The following ENTPD4 variants were observed in gnomAD, a reference collection of about 807,000 sequenced individuals.
ENTPD4 encodes ectonucleoside triphosphate diphosphohydrolase 4.
A neutral mutation model predicts 79.1 loss-of-function variants in ENTPD4; 60 were observed. The observed-to-expected ratio is 0.76, with a 90% CI of 0.62 to 0.94. The LOEUF is 0.94. Among genes scored for constraint, ENTPD4 ranks in the 40% least tolerant of loss-of-function variants. The pLI is 0.00. For missense variants in ENTPD4, 772 were observed against 775.1 expected (o/e 1.00, Z 0.05); for synonymous variants, 276 against 292.0 (o/e 0.95, Z 0.56).
rs1284736453 is a variant in ENTPD4 at position 23,447,749 on chromosome 8, G to C, written c.343C>G (p.His115Asp). Residue 115 changes from histidine to aspartate, a missense_variant, in exon 4 of 13, where the codon CAT becomes GAT. Physicochemically the swap from His to Asp is moderately conservative, Grantham distance 81 (BLOSUM62 -1). Transcript: ENST00000358689. ...ATTTGCCTGATATCCAACAGATCAT[G>C]TGGATTGCCATTATGCCTTGGCCAG... ...YCWPRHNGNPHDLLDIRQMRD... is the reference protein window; with the variant it reads ...YCWPRHNGNPDDLLDIRQMRD... 1 of 1,614,016 alleles carries C rather than the reference G, an allele frequency of 6.2e-7. No individual in the cohort carries two copies. Among genetic ancestry groups the C allele is most frequent in the Non-Finnish European group, 8.5e-7 (1 of 1,179,980 alleles).
Position 23,430,189 on chromosome 8 carries a change from C to T in ENTPD4, c.*2737G>A, listed in dbSNP as rs544962980. 3.5e-5 allele frequency: 34 copies of T among 985,458 alleles called. No homozygotes were observed. Among genetic ancestry groups the T allele is most frequent in the African/African-American group, 2.1e-4 (12 of 57,366 alleles). The allele number at this position is 985,458 out of a possible 1,614,324, so 61.0% of individuals were successfully genotyped here. ...AAGCACCTGGCTGTCTTCACCTACG[C>T]GAGACCTTCTCTGGAATGTGATTTG... On this transcript the variant is annotated 3_prime_UTR_variant, in exon 13 of 13. Transcript: ENST00000358689.
chr8:23,442,173 AC>A, intron 6 of ENTPD4, 107 bp from the exon 7 acceptor site: 1 of 720,940 alleles, frequency 1.4e-6, no homozygotes, highest in African/African-American at 1.8e-5. Context: ...CTCCCTGATA[AC>A]CTGTAAAATC....
Position 23,430,727 on chromosome 8 carries a change from C to A in ENTPD4, c.*2199G>T. The stretch of plus-strand genomic sequence containing the variant: ...GCCCAGAGCTGGAAGGCGGGGTCCC[C>A]TAACTCCCTGGGTGCCCACCTGCCC... On this transcript the variant is annotated 3_prime_UTR_variant, in exon 13 of 13. Coordinates refer to ENST00000358689, the MANE Select transcript of ENTPD4 (RefSeq NM_004901.5). 4.1e-6 allele frequency: 4 copies of A among 985,524 alleles called. No homozygotes were observed. Among genetic ancestry groups the A allele is most frequent in the Non-Finnish European group, 4.8e-6 (4 of 830,012 alleles). The allele number at this position is 985,524 out of a possible 1,614,324, so 61.0% of individuals were successfully genotyped here. A position where few individuals can be genotyped will look rare whatever the true frequency, so the allele number is the denominator to read the frequency against.
rs761744804 is a variant in ENTPD4 at position 23,443,849 on chromosome 8, C to A, written c.667+1G>T. On this transcript the variant is annotated splice_donor_variant, in intron 6 of 12. Transcript: ENST00000358689. LOFTEE classifies it high-confidence loss of function. ...TTTAAACTGAAGACCAATATACCAA[C>A]CTTCTTGTTTCCCAGAAATTACTTC... is the stretch of plus-strand genomic sequence containing the variant. 5.6e-6 allele frequency: 9 copies of A among 1,602,494 alleles called. No homozygotes were observed. In the South Asian group the frequency reaches 9.9e-5, roughly 18 times the overall value.
rs764462493 is a variant in ENTPD4 at position 23,448,828 on chromosome 8, C to T, written c.120G>A (p.Leu40=). 1.1e-5 allele frequency: 18 copies of T among 1,613,956 alleles called. No individual in the cohort carries two copies. Among genetic ancestry groups the T allele is most frequent in the Non-Finnish European group, 1.4e-5 (16 of 1,179,998 alleles). The change falls in exon 3 of 13, where the codon CTG becomes CTA. Residue 40 remains leucine, a synonymous_variant. Transcript: ENST00000358689. ...AATATAAAAGTGAAACAGCAGCAGC[C>T]AGGACACTAATGACCATAATTTGGC... The part of the protein sequence containing the change: ...NLRQIMVISV[L]AAAVSLLYFS...
intron 8 of ENTPD4, chr8:23,440,184 G>A (rs773567267): frequency 1.4e-5 from 5 of 348,258 alleles, no homozygotes; most frequent in Non-Finnish European, 2.6e-5. Context: ...TTTATTTCTG[G>A]AATCCTATGC....
rs71548899 is a variant in ENTPD4, at chr8:23,443,169, G to GAA, written c.667+679_667+680dup. Among the ~76,000 whole-genome samples the GAA allele has an allele frequency of 1.0e-3, 148 of 147,906 alleles. 2 individuals carry two copies. Among genetic ancestry groups the GAA allele is most frequent in the Middle Eastern group, 3.5e-3 (1 of 284 alleles). ...ACTTTCTCCATCATGGCCCTAGCTGGAAAAAAAAAAATGCCTCCCTCTTAA... is the reference window on the plus strand; with the variant it reads ...ACTTTCTCCATCATGGCCCTAGCTGGAAAAAAAAAAAAATGCCTCCCTCTTAA... On this transcript the variant is annotated intron_variant, in intron 6 of 12. Coordinates refer to ENST00000358689, the MANE Select transcript of ENTPD4 (RefSeq NM_004901.5).
At position 23,432,325 on chromosome 8, in the gene ENTPD4, A is replaced by C. The variant is rs923346510; in HGVS notation, c.*601T>G. 2 of 985,504 alleles carry C rather than the reference A, an allele frequency of 2.0e-6. No individual in the cohort carries two copies. Among genetic ancestry groups the C allele is most frequent in the Non-Finnish European group, 2.4e-6 (2 of 830,038 alleles). 61.0% of individuals were successfully genotyped at this position (985,504 alleles called of 1,614,324 possible). ...TCTTTCCACCTCCCTCCAGTATCAAAGTGCATGTGTTTAAATTTAACATTC... is the reference window on the plus strand; with the variant it reads ...TCTTTCCACCTCCCTCCAGTATCAACGTGCATGTGTTTAAATTTAACATTC... On this transcript the variant is annotated 3_prime_UTR_variant, in exon 13 of 13. Coordinates refer to ENST00000358689, the MANE Select transcript of ENTPD4 (RefSeq NM_004901.5).
chr8:23,443,534 A>G (rs2117292159), intron 6 of ENTPD4, among the ~76,000 whole-genome samples: 1 of 152,330 alleles, frequency 6.6e-6, no homozygotes, highest in East Asian at 1.9e-4. Flanking sequence ...CCAACAGCTC[A>G]ATAATGATCA....
intron 1 of ENTPD4, among the ~76,000 whole-genome samples, chr8:23,457,242 G>A (rs1800974607): frequency 1.3e-5 from 2 of 152,326 alleles, no homozygotes; most frequent in Admixed American, 6.5e-5. Context: ...GCCCGGTCAA[G>A]CTCCGCCCAT....
chr8:23,449,037 TG>T (rs1272018290), intron 2 of ENTPD4, 98 bp from the exon 3 acceptor site: 1 of 942,238 alleles, frequency 1.1e-6, no homozygotes, highest in Non-Finnish European at 1.6e-6. Flanking sequence ...TTGAGCTACC[TG>T]GATTTCCCTA....
chr8:23,429,805 A>C lies in ENTPD4; in HGVS notation c.*3121T>G. On this transcript the variant is annotated 3_prime_UTR_variant, in exon 13 of 13. Coordinates refer to ENST00000358689, the MANE Select transcript of ENTPD4 (RefSeq NM_004901.5). ...CGCCCAGGTCAGAAAGCACTGCCTAAAGCCGGAGCTTAGGATGAACATGGG... is the reference window on the plus strand; with the variant it reads ...CGCCCAGGTCAGAAAGCACTGCCTACAGCCGGAGCTTAGGATGAACATGGG... 1 of 985,458 alleles carries C rather than the reference A, an allele frequency of 1.0e-6. No individual in the cohort carries two copies. The highest frequency in any genetic ancestry group is 1.2e-6 in the Non-Finnish European group (1 of 829,932). The allele number at this position is 985,458 out of a possible 1,614,324, so 61.0% of individuals were successfully genotyped here. A position where few individuals can be genotyped will look rare whatever the true frequency, so the allele number is the denominator to read the frequency against.
chr8:23,438,665 TG>T (rs1800613351), intron 9 of ENTPD4, among the ~76,000 whole-genome samples: 1 of 152,246 alleles, frequency 6.6e-6, no homozygotes, highest in Non-Finnish European at 1.5e-5. Flanking sequence ...TTACAAATGT[TG>T]TCTATAAAAT....
chr8:23,437,177 G>A lies in ENTPD4; in HGVS notation c.1131C>T (p.Ile377=), dbSNP rs769410229. The part of the protein sequence containing the change: ...PCLPLDIKDE[I]QQNGQTIYLR... Reference sequence around the variant, plus strand: ...GGTATATGGTTTGTCCATTTTGCTGGATTTCATCTTTAATGTCTAGGGGTA... The same window carrying A: ...GGTATATGGTTTGTCCATTTTGCTGAATTTCATCTTTAATGTCTAGGGGTA... Residue 377 remains isoleucine, a synonymous_variant, in exon 10 of 13, where the codon ATC becomes ATT. Transcript: ENST00000358689. The A allele has an allele frequency of 1.2e-6, 2 of 1,614,052 alleles. No individual in the cohort carries two copies. Among genetic ancestry groups the A allele is most frequent in the Non-Finnish European group, 1.7e-6 (2 of 1,180,028 alleles).
intron 11 of ENTPD4, chr8:23,434,839 G>C (rs1800527679): frequency 2.3e-6 from 1 of 433,838 alleles, no homozygotes; most frequent in Non-Finnish European, 3.3e-6. Context: ...AAATGAGATG[G>C]TAGGAAGGTT....
intron 4 of ENTPD4, among the ~76,000 whole-genome samples, chr8:23,446,617 T>C (rs1233838201): frequency 6.6e-6 from 1 of 152,208 alleles, no homozygotes; most frequent in Non-Finnish European, 1.5e-5. Context: ...CTTTAGATTT[T>C]CTGAGTAATA....
At position 23,430,354 on chromosome 8, in the gene ENTPD4, G is replaced by A. The variant is rs1471456004; in HGVS notation, c.*2572C>T. 4 of 985,324 alleles carry A rather than the reference G, an allele frequency of 4.1e-6. No homozygotes were observed. Among genetic ancestry groups the A allele is most frequent in the Non-Finnish European group, 3.6e-6 (3 of 829,944 alleles). The allele number at this position is 985,324 out of a possible 1,614,324, so 61.0% of individuals were successfully genotyped here. A position where few individuals can be genotyped will look rare whatever the true frequency, so the allele number is the denominator to read the frequency against. On this transcript the variant is annotated 3_prime_UTR_variant, in exon 13 of 13. Transcript: ENST00000358689. ...TAATCTAGACGGAAAAATCCGAAGTGAAATTCTGGTGCAACAAATATTTTA... is the reference window on the plus strand; with the variant it reads ...TAATCTAGACGGAAAAATCCGAAGTAAAATTCTGGTGCAACAAATATTTTA...
At chr8:23,457,034 G>A (rs1480511168) in intron 1 of ENTPD4, among the ~76,000 whole-genome samples, 1 of 152,204 alleles carries the variant, frequency 6.6e-6, no homozygotes, top group African/African-American at 2.4e-5. Flanking sequence ...TCCTTTAAAA[G>A]GGGTCCGCGC....
At chr8:23,448,469 G>C (rs186457637) in intron 3 of ENTPD4, among the ~76,000 whole-genome samples, 13 of 152,296 alleles carry the variant, frequency 8.5e-5, no homozygotes, top group Non-Finnish European at 1.6e-4. Flanking sequence ...TAGTTCATGA[G>C]GGCAGAAACT....
Sources: allele counts gnomAD v4.1 joint callset (sites outside exome capture counted in the v4.1 genomes callset), GRCh38; gene constraint gnomAD v4.1.1; transcripts MANE v1.5; gene names NCBI Gene and HGNC (gene_info 2026-07-23, HGNC 2026-07-21).